SEC22C: variants seen among roughly 807,000 people sequenced by gnomAD.
SEC22C encodes vesicle-trafficking protein SEC22c.
Under a neutral mutation model 34.7 loss-of-function variants are expected in SEC22C, and 29 were observed. The ratio of observed to expected loss-of-function variants is 0.84; its 90% CI spans 0.62 to 1.14. The LOEUF is 1.14. SEC22C is among the 50% of genes most tolerant of loss of function. The pLI, the probability that SEC22C is intolerant of heterozygous loss-of-function variation, is 0.00. For missense variants in SEC22C, 337 were observed against 369.0 expected (o/e 0.91, Z 0.71); for synonymous variants, 117 against 132.8 (o/e 0.88, Z 0.82).
Position 42,550,260 on chromosome 3 carries a change from T to C in SEC22C, c.*2988A>G, listed in dbSNP as rs1702183864. The C allele has an allele frequency of 3.0e-6, 3 of 985,296 alleles. No homozygotes were observed. Among genetic ancestry groups the C allele is most frequent in the South Asian group, 9.4e-5 (2 of 21,288 alleles). 61.0% of individuals were successfully genotyped at this position (985,296 alleles called of 1,614,324 possible). A position where few individuals can be genotyped will look rare whatever the true frequency, so the allele number is the denominator to read the frequency against. On this transcript the variant is annotated 3_prime_UTR_variant, in exon 7 of 7. Coordinates refer to ENST00000264454, the MANE Select transcript of SEC22C (RefSeq NM_032970.4). ...TTGTTTTCAACATTATTTCATCTATTCCCAGATCTAGTCCAGTGATGTCAG... is the reference window on the plus strand; with the variant it reads ...TTGTTTTCAACATTATTTCATCTATCCCCAGATCTAGTCCAGTGATGTCAG...
chr3:42,559,178 T>A (rs1189754679), intron 4 of SEC22C, among the ~76,000 whole-genome samples: 1 of 152,194 alleles, frequency 6.6e-6, no homozygotes, highest in Non-Finnish European at 1.5e-5. Context: ...CACTTATATT[T>A]CACACACACA....
At chr3:42,573,353 C>T (rs1035153338) in intron 1 of SEC22C, 1 of 152,086 alleles carries the variant, frequency 6.6e-6, no homozygotes. Context: ...AGTAAAACCT[C>T]GTCTCTATTA....
In SEC22C at chr3:42,551,524, A is replaced by G. The variant is rs748303482; in HGVS notation, c.*1724T>C. 1.8e-4 allele frequency: 82 copies of G among 447,010 alleles called. No homozygotes were observed. The highest frequency in any genetic ancestry group is 2.3e-4 in the Non-Finnish European group (79 of 338,680). 27.7% of individuals were successfully genotyped at this position (447,010 alleles called of 1,614,324 possible). On this transcript the variant is annotated 3_prime_UTR_variant, in exon 7 of 7. Transcript: ENST00000264454. The stretch of plus-strand genomic sequence containing the variant: ...ATCCGGCTAATTTTTTTTTTTGTAG[A>G]GATGAATCTTACTATGTTGTCCAGG...
At position 42,552,314 on chromosome 3, in the gene SEC22C, A is replaced by G. The variant is rs1702293900; in HGVS notation, c.*934T>C. 16 of 985,458 alleles carry G rather than the reference A, an allele frequency of 1.6e-5. No homozygotes were observed. The highest frequency in any genetic ancestry group is 1.9e-5 in the Non-Finnish European group (16 of 829,932). The allele number at this position is 985,458 out of a possible 1,614,324, so 61.0% of individuals were successfully genotyped here. ...AACAGGTACACAGGGTACAGTAGTC[A>G]TCATCATTAAAACAACAGGCACTCA... is the stretch of plus-strand genomic sequence containing the variant. On this transcript the variant is annotated 3_prime_UTR_variant, in exon 7 of 7. Coordinates refer to ENST00000264454, the MANE Select transcript of SEC22C (RefSeq NM_032970.4).
At position 42,551,800 on chromosome 3, in the gene SEC22C, A is replaced by T. The variant is rs1450994697; in HGVS notation, c.*1448T>A. ...AACAATACAATACCAGTGATAACCA[A>T]ATATAATTGAATTTTTCTAAAACTA... On this transcript the variant is annotated 3_prime_UTR_variant, in exon 7 of 7. Transcript: ENST00000264454. The T allele has an allele frequency of 1.0e-6, 1 of 975,050 alleles. No individual in the cohort carries two copies. Among genetic ancestry groups the T allele is most frequent in the African/African-American group, 1.8e-5 (1 of 57,060 alleles). The allele number at this position is 975,050 out of a possible 1,614,324, so 60.4% of individuals were successfully genotyped here.
intron 1 of SEC22C, among the ~76,000 whole-genome samples, chr3:42,593,986 A>C (rs773120261): frequency 1.6e-4 from 25 of 152,198 alleles, no homozygotes; most frequent in Non-Finnish European, 3.4e-4. Context: ...AAGAGGTGAG[A>C]TCAGAGGGGG....
chr3:42,549,612 C>T lies in SEC22C; in HGVS notation c.*3636G>A. The T allele has an allele frequency of 1.0e-6, 1 of 985,366 alleles. No homozygotes were observed. Among genetic ancestry groups the T allele is most frequent in the Non-Finnish European group, 1.2e-6 (1 of 829,954 alleles). 61.0% of individuals were successfully genotyped at this position (985,366 alleles called of 1,614,324 possible). On this transcript the variant is annotated 3_prime_UTR_variant, in exon 7 of 7. Coordinates refer to ENST00000264454, the MANE Select transcript of SEC22C (RefSeq NM_032970.4). The stretch of plus-strand genomic sequence containing the variant: ...CCCAGGCATGGGTGGGAGAGTTGAA[C>T]CTCAATGCAATCTGCTCCCACTCTG...
intron 2 of SEC22C, among the ~76,000 whole-genome samples, chr3:42,564,714 A>G (rs990505871): frequency 7.2e-5 from 11 of 152,158 alleles, no homozygotes; most frequent in African/African-American, 2.2e-4. Flanking sequence ...TCACCATTCC[A>G]TTAGGTTGTG....
Position 42,548,656 on chromosome 3 carries a change from T to A in SEC22C, c.*4592A>T. On this transcript the variant is annotated 3_prime_UTR_variant, in exon 7 of 7. Transcript: ENST00000264454. ...CAACCAGCAGAACCAGCTCCTTGGA[T>A]CCTGGAATAAACCAAACATCAATGG... 1 of 1,613,996 alleles carries A rather than the reference T, an allele frequency of 6.2e-7. No individual in the cohort carries two copies. Among genetic ancestry groups the A allele is most frequent in the East Asian group, 2.2e-5 (1 of 44,874 alleles).
intron 2 of SEC22C, 140 bp downstream of exon 2, chr3:42,568,725 G>A (rs1703419764): frequency 4.8e-6 from 3 of 621,958 alleles, no homozygotes; most frequent in Non-Finnish European, 8.2e-6. Flanking sequence ...TGATTCTGTT[G>A]TAGACACACA....
At chr3:42,589,960 G>A (rs1704760329) in intron 1 of SEC22C, among the ~76,000 whole-genome samples, 1 of 152,194 alleles carries the variant, frequency 6.6e-6, no homozygotes, top group African/African-American at 2.4e-5. Flanking sequence ...GGGCAGTCCC[G>A]GGTTGTTAAG....
intron 5 of SEC22C, among the ~76,000 whole-genome samples, chr3:42,556,816 C>T (rs975132099): frequency 2.0e-5 from 3 of 152,136 alleles, no homozygotes; most frequent in Admixed American, 6.5e-5. Flanking sequence ...CCCTGCCTCC[C>T]AGTTTCAAGC....
rs900502399 is a variant in SEC22C, at chr3:42,549,727, G to T, written c.*3521C>A. 1.0e-6 allele frequency: 1 copy of T among 985,504 alleles called. No homozygotes were observed. The allele number at this position is 985,504 out of a possible 1,614,324, so 61.0% of individuals were successfully genotyped here. ...AGTTTCAGACTCTGTCTCCAGAGCT[G>T]GAATGTATAGGGCAGAGGTAGAAAG... On this transcript the variant is annotated 3_prime_UTR_variant, in exon 7 of 7. Coordinates refer to ENST00000264454, the MANE Select transcript of SEC22C (RefSeq NM_032970.4).
intron 1 of SEC22C, chr3:42,591,399 T>C (rs1435898405): frequency 1.3e-5 from 9 of 694,112 alleles, no homozygotes; most frequent in Non-Finnish European, 2.3e-5. Context: ...TTCCCCATGT[T>C]GGCCAGGCTA....
rs1030812249 is a variant in SEC22C at position 42,553,417 on chromosome 3, C to T, written c.743G>A (p.Arg248Lys). ...CYLYLFYSPARTMKVVLMLLF... is the reference protein window; with the variant it reads ...CYLYLFYSPAKTMKVVLMLLF... ...CAGCATAAGCACCACCTTCATAGTC[C>T]TGGCTGGACTGTAGAACAGGTACAA... Residue 248 changes from arginine to lysine, a missense_variant, in exon 7 of 7, where the codon AGG becomes AAG. Coordinates refer to ENST00000264454, the MANE Select transcript of SEC22C (RefSeq NM_032970.4). 3 of 1,613,962 alleles carry T rather than the reference C, an allele frequency of 1.9e-6. No individual in the cohort carries two copies. Among genetic ancestry groups the T allele is most frequent in the African/African-American group, 2.7e-5 (2 of 74,886 alleles).
chr3:42,552,857 T>G lies in SEC22C; in HGVS notation c.*391A>C, dbSNP rs1577286480. ...TTTAGACTGAAAGCTGATTTGGATTTTAAAGTGGTTCCTTGGAGACAACTC... is the reference window on the plus strand; with the variant it reads ...TTTAGACTGAAAGCTGATTTGGATTGTAAAGTGGTTCCTTGGAGACAACTC... On this transcript the variant is annotated 3_prime_UTR_variant, in exon 7 of 7. Coordinates refer to ENST00000264454, the MANE Select transcript of SEC22C (RefSeq NM_032970.4). The G allele has an allele frequency of 4.9e-6, 5 of 1,025,572 alleles. No individual in the cohort carries two copies. Among genetic ancestry groups the G allele is most frequent in the Non-Finnish European group, 5.8e-6 (5 of 855,958 alleles). 63.5% of individuals were successfully genotyped at this position (1,025,572 alleles called of 1,614,324 possible). A position where few individuals can be genotyped will look rare whatever the true frequency, so the allele number is the denominator to read the frequency against.
At chr3:42,586,074 C>A (rs1161042794), upstream of SEC22C, among the ~76,000 whole-genome samples, 1 of 152,190 alleles carries the variant, frequency 6.6e-6, no homozygotes, top group East Asian at 1.9e-4. Context: ...CCCTTTACAA[C>A]CAAACCTCAT....
At chr3:42,562,195 T>C (rs115441042) in intron 3 of SEC22C, among the ~76,000 whole-genome samples, 237 of 152,332 alleles carry the variant, frequency 1.6e-3, no homozygotes, top group African/African-American at 5.3e-3. Context: ...TTTGACTCAT[T>C]CTACTCCCAC....
chr3:42,554,720 T>TA (rs1702421682), intron 6 of SEC22C, among the ~76,000 whole-genome samples: 2 of 151,866 alleles, frequency 1.3e-5, no homozygotes, highest in African/African-American at 2.4e-5. Context: ...ATTTTAATTT[T>TA]AAAAAAAGGG....
Sources: allele counts gnomAD v4.1 joint callset (sites outside exome capture counted in the v4.1 genomes callset), GRCh38; gene constraint gnomAD v4.1.1; transcripts MANE v1.5; gene names NCBI Gene and HGNC (gene_info 2026-07-23, HGNC 2026-07-21).